Variants in CBLL1 observed in about 807,000 individuals in gnomAD.
The protein encoded by CBLL1 is E3 ubiquitin-protein ligase Hakai.
Under a neutral mutation model 44.9 loss-of-function variants are expected in CBLL1, and 4 were observed. The ratio of observed to expected loss-of-function variants is 0.09; its 90% CI spans 0.04 to 0.20. CBLL1 has a LOEUF of 0.20. Among genes scored for constraint, CBLL1 ranks in the 10% least tolerant of loss-of-function variants. The probability of loss-of-function intolerance (pLI) is 1.00; values close to 1 mark genes in which losing one functional copy is unlikely to be tolerated. For synonymous variants in CBLL1, 235 were observed against 202.2 expected, an observed-to-expected ratio of 1.16 and a Z score of -1.38; for missense variants, 569 against 636.7, an observed-to-expected ratio of 0.89 and a Z score of 1.14.
intron 1 of CBLL1, chr7:107,744,779 A>G (rs1056673897): frequency 6.6e-6 from 1 of 152,414 alleles, no homozygotes. Context: ...CTTACTCATC[A>G]TTTGAGGGTA....
At chr7:107,747,665 G>C (rs1195100504) in intron 1 of CBLL1, among the ~76,000 whole-genome samples, 1 of 152,172 alleles carries the variant, frequency 6.6e-6, no homozygotes, top group African/African-American at 2.4e-5. Context: ...AGGATTAGCT[G>C]TTATAAGAGT....
chr7:107,748,839 GA>G (rs1793130408), intron 1 of CBLL1, 40 bp from the exon 2 acceptor site: 1 of 1,533,646 alleles, frequency 6.5e-7, no homozygotes, highest in Non-Finnish European at 8.8e-7. Context: ...TCTTTAAAAA[GA>G]AAAACTAAAA....
In CBLL1 at chr7:107,753,415, A is replaced by T. The variant is rs1793392405; in HGVS notation, c.186A>T (p.Gly62=). ...GCAATACTTTTTTTTTCTCAGAAGG[A>T]TTTGATTATAATGAAGAAGAACGGT... ...PAKAPPGDEE[G]FDYNEEERYD... Residue 62 remains glycine (G), a synonymous_variant, in exon 3 of 6, where the codon GGA becomes GGT. Coordinates refer to ENST00000440859, the MANE Select transcript of CBLL1 (RefSeq NM_024814.4). The T allele has an allele frequency of 1.9e-6, 3 of 1,566,600 alleles. No individual in the cohort carries two copies. In the African/African-American group the frequency reaches 4.2e-5, roughly 22 times the overall value.
At chr7:107,745,265 A>G (rs1190099950) in intron 1 of CBLL1, among the ~76,000 whole-genome samples, 1 of 152,118 alleles carries the variant, frequency 6.6e-6, no homozygotes, top group Non-Finnish European at 1.5e-5. Flanking sequence ...GGAGAGATTC[A>G]TAGGACGAAA....
Position 107,759,390 on chromosome 7 carries a change from A to G in CBLL1, c.*212A>G. ...ACAGATAAGTGGCTCAGTTGAGCAC[A>G]GCTATATTTTAACATCTCTTTGTTC... On this transcript the variant is annotated 3_prime_UTR_variant, in exon 6 of 6. Coordinates refer to ENST00000440859, the MANE Select transcript of CBLL1 (RefSeq NM_024814.4). The G allele has an allele frequency of 2.3e-6, 1 of 427,444 alleles. No homozygotes were observed. Among genetic ancestry groups the G allele is most frequent in the Non-Finnish European group, 4.1e-6 (1 of 242,132 alleles). The allele number at this position is 427,444 out of a possible 1,614,324, so 26.5% of individuals were successfully genotyped here.
chr7:107,758,912 C>G lies in CBLL1; in HGVS notation c.1210C>G (p.Pro404Ala). 1 of 1,613,996 alleles carries G rather than the reference C, an allele frequency of 6.2e-7. No individual in the cohort carries two copies. The highest frequency in any genetic ancestry group is 1.7e-5 in the Admixed American group (1 of 60,012). The part of the protein sequence containing the change: ...QMPPYMNHPP[P>A]GPPPPQHGGP... ...GCCACCTTATATGAATCATCCTCCT[C>G]CAGGACCTCCCCCACCTCAACATGG... Residue 404 changes from proline to alanine, a missense_variant, in exon 6 of 6, where the codon CCA becomes GCA. Around this residue, in one of 5 missense-constraint regions of CBLL1, gnomAD observed 228 missense variants for 253.2 expected, o/e 0.90. Transcript: ENST00000440859. This position sits in a 1 kb window ranked among gnomAD's most constrained non-coding sequence, Gnocchi z 4.2.
rs1401456737 is a variant in CBLL1 at position 107,759,996 on chromosome 7, A to C, written c.*818A>C. ...TAATGCTTTTTTACTGAATGGTCGG[A>C]ATCACATATGCACCACACATACTGA... is the stretch of plus-strand genomic sequence containing the variant. On this transcript the variant is annotated 3_prime_UTR_variant, in exon 6 of 6. Coordinates refer to ENST00000440859, the MANE Select transcript of CBLL1 (RefSeq NM_024814.4). 6.6e-6 allele frequency: 1 copy of C among 152,322 alleles called. No homozygotes were observed. Among genetic ancestry groups the C allele is most frequent in the African/African-American group, 2.4e-5 (1 of 41,442 alleles). The allele number at this position is 152,322 out of a possible 1,614,324, so 9.4% of individuals were successfully genotyped here.
intron 5 of CBLL1, among the ~76,000 whole-genome samples, chr7:107,757,664 G>C (rs79851798): frequency 0.024 from 3,705 of 152,234 alleles, 136 homozygotes; most frequent in African/African-American, 0.083. Flanking sequence ...CTAATGATGA[G>C]GCTGATGTTA....
chr7:107,754,174 TTAAA>T (rs1469970710), intron 4 of CBLL1, 196 bp downstream of exon 4: 3 of 337,938 alleles, frequency 8.9e-6, no homozygotes, highest in African/African-American at 2.1e-5. Flanking sequence ...TTATAAAATA[TTAAA>T]TAAAACTGAA....
In CBLL1 at chr7:107,748,950, A is replaced by G. The variant is rs1793136321; in HGVS notation, c.84A>G (p.Ile28Met). The G allele has an allele frequency of 6.2e-7, 1 of 1,614,138 alleles. No individual in the cohort carries two copies. The highest frequency in any genetic ancestry group is 1.1e-5 in the South Asian group (1 of 91,074). ...GGLDVRRRIP[I>M]KLISKQANKA... is the part of the protein sequence containing the mutation. ...TTGATGTTCGCAGACGAATTCCTAT[A>G]AAGCTCATCTCCAAACAAGCAAACA... Residue 28 changes from isoleucine to methionine, a missense_variant, in exon 2 of 6, where the codon ATA becomes ATG. This residue lies in a region of CBLL1 where 209 missense variants were observed against 202.8 expected (regional missense o/e 1.03). Coordinates refer to ENST00000440859, the MANE Select transcript of CBLL1 (RefSeq NM_024814.4).
intron 2 of CBLL1, among the ~76,000 whole-genome samples, chr7:107,749,936 AT>A (rs1554370354): frequency 3.7e-5 from 2 of 54,096 alleles, no homozygotes; most frequent in Admixed American, 1.9e-4. Context: ...GTGTATATAT[AT>A]TTTTTTGTTT....
At chr7:107,754,442 C>G (rs922635671) in intron 4 of CBLL1, among the ~76,000 whole-genome samples, 2 of 151,624 alleles carry the variant, frequency 1.3e-5, no homozygotes, top group Non-Finnish European at 2.9e-5. Flanking sequence ...AAAAATTTTA[C>G]AATCCTAACT....
intron 2 of CBLL1, 94 bp from the exon 3 acceptor site, chr7:107,753,317 T>C: frequency 1.4e-6 from 1 of 740,402 alleles, no homozygotes; most frequent in Non-Finnish European, 2.3e-6. Context: ...CAGATGAGCT[T>C]TTTAGTGAAA....
In CBLL1 at chr7:107,758,904, A is replaced by C. The variant is rs768550180; in HGVS notation, c.1202A>C (p.His401Pro). ...GCCCAGATGCCACCTTATATGAATCATCCTCCTCCAGGACCTCCCCCACCT... is the reference window on the plus strand; with the variant it reads ...GCCCAGATGCCACCTTATATGAATCCTCCTCCTCCAGGACCTCCCCCACCT... ...IIAQMPPYMN[H>P]PPPGPPPPQH... Residue 401 changes from histidine (H) to proline (P), a missense_variant, in exon 6 of 6, where the codon CAT (histidine) becomes CCT (proline). Coordinates refer to ENST00000440859, the MANE Select transcript of CBLL1 (RefSeq NM_024814.4). The surrounding 1 kb of genome is among the most constrained non-coding windows in gnomAD (Gnocchi z 4.2). 4.3e-6 allele frequency: 7 copies of C among 1,613,802 alleles called. No individual in the cohort carries two copies. In the Admixed American group the frequency reaches 5.0e-5, roughly 12 times the overall value.
chr7:107,744,514 A>C (rs1413495976), intron 1 of CBLL1: 1 of 333,108 alleles, frequency 3.0e-6, no homozygotes, highest in Non-Finnish European at 5.4e-6. Context: ...CGTTATGGAG[A>C]CTGGCGGGTA....
intron 1 of CBLL1, 123 bp from the exon 2 acceptor site, chr7:107,748,757 T>C: frequency 1.3e-6 from 1 of 754,290 alleles, no homozygotes; most frequent in Non-Finnish European, 2.1e-6. Flanking sequence ...TAATGTAATA[T>C]TGAAAATCAG....
At chr7:107,751,676 G>A (rs1031746645) in intron 2 of CBLL1, among the ~76,000 whole-genome samples, 2 of 152,136 alleles carry the variant, frequency 1.3e-5, no homozygotes, top group African/African-American at 4.8e-5. Context: ...ACACGTTAGT[G>A]TACAAATAAT....
intron 1 of CBLL1, among the ~76,000 whole-genome samples, chr7:107,747,265 C>G (rs1312679139): frequency 6.6e-6 from 1 of 152,166 alleles, no homozygotes; most frequent in Non-Finnish European, 1.5e-5. Flanking sequence ...GTAGAGACCT[C>G]AAGTGTTCAG....
Position 107,759,253 on chromosome 7 carries a change from T to C in CBLL1, c.*75T>C. On this transcript the variant is annotated 3_prime_UTR_variant, in exon 6 of 6. Transcript: ENST00000440859. ...GTCAATCTTTTAAGCTTTGACTGTT[T>C]TGGGAAGGAAGAGTACCTCTTATCG... 1 of 1,340,790 alleles carries C rather than the reference T, an allele frequency of 7.5e-7. No individual in the cohort carries two copies. The highest frequency in any genetic ancestry group is 1.0e-6 in the Non-Finnish European group (1 of 983,146). 83.1% of individuals were successfully genotyped at this position (1,340,790 alleles called of 1,614,324 possible).
Sources: gnomAD v4.1 joint callset for allele counts (sites outside exome capture counted in the v4.1 genomes callset) on GRCh38, gnomAD v4.1.1 for gene constraint, gnomAD v4.1.1 regional missense constraint, Gnocchi (gnomAD v3.1) non-coding constraint, MANE v1.5 for transcripts, NCBI Gene and HGNC (gene_info 2026-07-23, HGNC 2026-07-21) for gene names.